Variants in FHIT observed in about 807,000 individuals in gnomAD.
FHIT encodes the protein fragile histidine triad diadenosine triphosphatase, also known as bis(5'-adenosyl)-triphosphatase.
In FHIT, 19 loss-of-function variants were observed where a neutral mutation model predicts 17.9. The ratio of observed to expected loss-of-function variants is 1.06; its 90% CI spans 0.74 to 1.56. The LOEUF is 1.56. Ranked by LOEUF, FHIT falls within the 40% of genes most tolerant of loss-of-function variation. FHIT has a pLI of 0.00. For synonymous variants in FHIT, 81 were observed against 69.7 expected, an observed-to-expected ratio of 1.16 and a Z score of -0.81; for missense variants, 248 against 189.2, an observed-to-expected ratio of 1.31 and a Z score of -1.82.
chr3:60,346,666 G>A (rs938252172), intron 5 of FHIT, among the ~76,000 whole-genome samples: 6 of 152,110 alleles, frequency 3.9e-5, no homozygotes, highest in African/African-American at 1.2e-4. Flanking sequence ...TTTTCCTGGT[G>A]GTGTGACAAG....
intron 4 of FHIT, among the ~76,000 whole-genome samples, chr3:60,681,095 T>C (rs1478602505): frequency 1.3e-5 from 2 of 152,286 alleles, no homozygotes; most frequent in African/African-American, 2.4e-5. Context: ...GATAATGTGG[T>C]TTTACAAGTT....
chr3:60,505,816 A>G (rs1407392637), intron 5 of FHIT, among the ~76,000 whole-genome samples: 1 of 152,138 alleles, frequency 6.6e-6, no homozygotes, highest in African/African-American at 2.4e-5. Flanking sequence ...GCATTCTTTC[A>G]TCCAACGGAC....
chr3:59,858,212 G>C (rs191573754), intron 8 of FHIT, among the ~76,000 whole-genome samples: 1 of 147,754 alleles, frequency 6.8e-6, no homozygotes, highest in East Asian at 2.0e-4. Flanking sequence ...CATAAATGGT[G>C]ATCTTCCTTC....
chr3:61,049,293 T>A (rs908286958), intron 2 of FHIT, among the ~76,000 whole-genome samples: 13 of 151,618 alleles, frequency 8.6e-5, no homozygotes, highest in African/African-American at 2.9e-4. Flanking sequence ...TAAAATATGA[T>A]AAACAATTAA....
chr3:60,413,267 A>C lies in FHIT; in HGVS notation c.103+123593T>G, dbSNP rs147301318. Among the ~76,000 whole-genome samples, 3 of 152,318 alleles carry C rather than the reference A, an allele frequency of 2.0e-5. No individual in the cohort carries two copies. In the East Asian group the frequency reaches 5.8e-4, roughly 29 times the overall value. ...AGAAGGGAAAGACATCAAAGAGTTA[A>C]TAAATTCAGAAACTGTACAACTGAG... On this transcript the variant is annotated intron_variant, in intron 5 of 9. Coordinates refer to ENST00000492590, the MANE Select transcript of FHIT (RefSeq NM_002012.4).
At chr3:60,355,199 CAA>C (rs1699595647) in intron 5 of FHIT, among the ~76,000 whole-genome samples, 1 of 152,096 alleles carries the variant, frequency 6.6e-6, no homozygotes, top group African/African-American at 2.4e-5. Flanking sequence ...AACACTGGAA[CAA>C]AATAGTTAGG....
At chr3:60,904,014 A>G (rs1202170025) in intron 3 of FHIT, among the ~76,000 whole-genome samples, 1 of 152,160 alleles carries the variant, frequency 6.6e-6, no homozygotes, top group Non-Finnish European at 1.5e-5. Flanking sequence ...GGTTTCTCAT[A>G]CCTGACAACC....
chr3:60,876,932 C>T (rs1042674162), intron 3 of FHIT, among the ~76,000 whole-genome samples: 13 of 152,170 alleles, frequency 8.5e-5, no homozygotes, highest in African/African-American at 3.1e-4. Context: ...ACCACCCTAT[C>T]CCCAGCTGAG....
chr3:60,203,390 A>T (rs57483707), intron 5 of FHIT, among the ~76,000 whole-genome samples: 3,510 of 152,308 alleles, frequency 0.023, 149 homozygotes, highest in African/African-American at 0.08. Flanking sequence ...GATAATAAAT[A>T]TCCCTCAACA....
chr3:60,444,684 G>A (rs369702898), intron 5 of FHIT, among the ~76,000 whole-genome samples: 99 of 152,062 alleles, frequency 6.5e-4, no homozygotes, highest in African/African-American at 2.2e-3. Context: ...ATCACACACC[G>A]GGGTCTGTTG....
At chr3:59,776,440 AAAT>A (rs1450954273) in intron 8 of FHIT, among the ~76,000 whole-genome samples, 8 of 152,206 alleles carry the variant, frequency 5.3e-5, no homozygotes, top group Admixed American at 2.0e-4. Context: ...GATGTGACAT[AAAT>A]AATAATACAG....
At chr3:60,126,355 A>C (rs929693003) in intron 5 of FHIT, among the ~76,000 whole-genome samples, 5 of 152,168 alleles carry the variant, frequency 3.3e-5, no homozygotes, top group African/African-American at 1.2e-4. Flanking sequence ...TCTGGAGCGC[A>C]GCCTCAGTTG....
At chr3:59,829,476 G>A (rs1306228253) in intron 8 of FHIT, among the ~76,000 whole-genome samples, 4 of 152,204 alleles carry the variant, frequency 2.6e-5, no homozygotes, top group African/African-American at 9.6e-5. Context: ...TCAGCCAGAA[G>A]AATCTATGCC....
intron 5 of FHIT, among the ~76,000 whole-genome samples, chr3:60,297,430 G>A (rs766268529): frequency 7.9e-5 from 12 of 151,968 alleles, no homozygotes; most frequent in Non-Finnish European, 1.2e-4. Flanking sequence ...GTATCTATCT[G>A]TTGATTGCTA....
At chr3:60,792,347 T>TACAC (rs34647274) in intron 4 of FHIT, among the ~76,000 whole-genome samples, 37 of 151,644 alleles carry the variant, frequency 2.4e-4, no homozygotes, top group South Asian at 8.3e-4. Context: ...TAGTTGTGTA[T>TACAC]ACACACACAC....
intron 4 of FHIT, among the ~76,000 whole-genome samples, chr3:60,646,851 A>G (rs1341319514): frequency 6.6e-6 from 1 of 152,202 alleles, no homozygotes; most frequent in Non-Finnish European, 1.5e-5. Flanking sequence ...TCCCACCTGC[A>G]TTACTTCAAA....
chr3:60,729,964 C>T (rs1240922143), intron 4 of FHIT: 9 of 188,632 alleles, frequency 4.8e-5, no homozygotes. Context: ...AAAATTAAAA[C>T]ATAGAAATTA....
chr3:60,888,741 G>A (rs6796455), intron 3 of FHIT, among the ~76,000 whole-genome samples: 41,699 of 151,728 alleles, frequency 0.27, 6,889 homozygotes, highest in African/African-American at 0.46. Flanking sequence ...GGTTTTGTTT[G>A]GAACATATAA....
At chr3:61,151,147 C>T (rs2037375024) in intron 2 of FHIT, among the ~76,000 whole-genome samples, 1 of 152,222 alleles carries the variant, frequency 6.6e-6, no homozygotes, top group Non-Finnish European at 1.5e-5. Flanking sequence ...TCTTATATTA[C>T]TGCTTCTTTT....
Sources: gnomAD v4.1 joint callset for allele counts (sites outside exome capture counted in the v4.1 genomes callset) on GRCh38, gnomAD v4.1.1 for gene constraint, MANE v1.5 for transcripts, NCBI Gene and HGNC (gene_info 2026-07-23, HGNC 2026-07-21) for gene names.